PPIG: variants seen among roughly 807,000 people sequenced by gnomAD.
The protein encoded by PPIG is peptidyl-prolyl cis-trans isomerase G.
In PPIG, 26 loss-of-function variants were observed where a neutral mutation model predicts 87.9. The ratio of observed to expected loss-of-function variants is 0.30; its 90% confidence interval spans 0.22 to 0.41. PPIG has a LOEUF of 0.41. Among genes scored for constraint, PPIG ranks in the 10% least tolerant of loss-of-function variants. The pLI is 1.00. For synonymous variants in PPIG, 308 were observed against 276.5 expected, an observed-to-expected ratio of 1.11 and a Z score of -1.13; for missense variants, 722 against 879.4, an observed-to-expected ratio of 0.82 and a Z score of 2.26.
chr2:169,608,883 C>A, intron 7 of PPIG, 125 bp downstream of exon 7: 1 of 532,974 alleles, frequency 1.9e-6, no homozygotes, highest in South Asian at 1.9e-5. Context: ...GAGATCGAGA[C>A]CATCCTGGCT....
rs1237572223 is a variant in PPIG at position 169,637,031 on chromosome 2, T to C, written c.1773T>C (p.His591=). 1.2e-6 allele frequency: 2 copies of C among 1,613,584 alleles called. No homozygotes were observed. Among genetic ancestry groups the C allele is most frequent in the African/African-American group, 1.3e-5 (1 of 74,910 alleles). ...ATCGCAGCAGAAGCAAGGAGTACCATAGATACAGAGAACAGGAATACAGGA... is the reference window on the plus strand; with the variant it reads ...ATCGCAGCAGAAGCAAGGAGTACCACAGATACAGAGAACAGGAATACAGGA... ...DRDRSRSKEY[H]RYREQEYRRR... The change falls in exon 14 of 14, where the codon CAT becomes CAC. Residue 591 remains histidine (H), a synonymous_variant. Coordinates refer to ENST00000260970, the MANE Select transcript of PPIG (RefSeq NM_004792.3).
chr2:169,630,481 T>C (rs1435663270), intron 9 of PPIG, among the ~76,000 whole-genome samples: 1 of 152,208 alleles, frequency 6.6e-6, no homozygotes, highest in African/African-American at 2.4e-5. Context: ...ATTGTTATTC[T>C]GTGCTTTTAA....
chr2:169,631,765 G>A lies in PPIG; in HGVS notation c.762-1G>A, dbSNP rs971082693. On this transcript the variant is annotated splice_acceptor_variant, in intron 10 of 13. Transcript: ENST00000260970. LOFTEE classifies it high-confidence loss of function. ...TGTTTTGTGTGTTTCTGTCTGTTAA[G>A]TGCATCTAGTGAGAGTGAAGCTGAA... 3 of 1,613,672 alleles carry A rather than the reference G, an allele frequency of 1.9e-6. No homozygotes were observed. Among genetic ancestry groups the A allele is most frequent in the Non-Finnish European group, 2.5e-6 (3 of 1,179,840 alleles).
chr2:169,584,387 G>C lies in PPIG; in HGVS notation c.-173G>C, dbSNP rs1439459066. 2.1e-6 allele frequency: 1 copy of C among 471,048 alleles called. No homozygotes were observed. Among genetic ancestry groups the C allele is most frequent in the Non-Finnish European group, 4.4e-6 (1 of 227,056 alleles). 29.2% of individuals were successfully genotyped at this position (471,048 alleles called of 1,614,324 possible). A position where few individuals can be genotyped will look rare whatever the true frequency, so the allele number is the denominator to read the frequency against. Reference sequence around the variant, plus strand: ...TCTCCATGCCAGGACTGAGTTGTGGGGGAGGGAGGCGGTTAGCGGGCTTTA... The same window carrying C: ...TCTCCATGCCAGGACTGAGTTGTGGCGGAGGGAGGCGGTTAGCGGGCTTTA... On this transcript the variant is annotated 5_prime_UTR_variant, in exon 1 of 14. Coordinates refer to ENST00000260970, the MANE Select transcript of PPIG (RefSeq NM_004792.3).
chr2:169,616,433 A>C (rs1332697349), intron 9 of PPIG, among the ~76,000 whole-genome samples: 1 of 152,220 alleles, frequency 6.6e-6, no homozygotes, highest in African/African-American at 2.4e-5. Flanking sequence ...ACTGTCTTCT[A>C]CAATGGTTGA....
Position 169,637,434 on chromosome 2 carries a change from A to G in PPIG, c.2176A>G (p.Lys726Glu), listed in dbSNP as rs1400539498. ...AGTGGAAAAAGAAAACCAAAAATCAAAAGGTCAAGAAAATGACCATGTACA... is the reference window on the plus strand; with the variant it reads ...AGTGGAAAAAGAAAACCAAAAATCAGAAGGTCAAGAAAATGACCATGTACA... Reference protein sequence around the residue: ...SSVEKENQKSKGQENDHVHEK... With the variant: ...SSVEKENQKSEGQENDHVHEK... Residue 726 changes from lysine (K) to glutamate (E), a missense_variant, in exon 14 of 14, where the codon AAA becomes GAA. Lys to Glu is a moderately conservative substitution (Grantham distance 56, BLOSUM62 1). This residue lies in a region of PPIG where 476 missense variants were observed against 483.1 expected (regional missense o/e 0.99). Transcript: ENST00000260970. The G allele has an allele frequency of 3.1e-6, 5 of 1,612,338 alleles. No homozygotes were observed. The highest frequency in any genetic ancestry group is 1.7e-5 in the Admixed American group (1 of 59,746).
At chr2:169,633,487 T>G in intron 12 of PPIG, 1 of 538,506 alleles carries the variant, frequency 1.9e-6, no homozygotes, top group Non-Finnish European at 3.2e-6. Context: ...ATCGAGGTCT[T>G]TCTTGTCTCC....
At chr2:169,595,408 A>G (rs1684990040) in intron 1 of PPIG, among the ~76,000 whole-genome samples, 1 of 152,132 alleles carries the variant, frequency 6.6e-6, no homozygotes, top group African/African-American at 2.4e-5. Flanking sequence ...CCTTTTTGTT[A>G]CAAACAATCC....
Position 169,638,056 on chromosome 2 carries a change from TA to T in PPIG, c.*534del, listed in dbSNP as rs908627021. Reference sequence around the variant, plus strand: ...TTTTATAGTAATTTGTGCTTTAAAATAGATGTATTTATATTGCACTTCATAC... The same window carrying T: ...TTTTATAGTAATTTGTGCTTTAAAATGATGTATTTATATTGCACTTCATAC... On this transcript the variant is annotated 3_prime_UTR_variant, in exon 14 of 14. Transcript: ENST00000260970. The T allele has an allele frequency of 6.6e-6, 1 of 152,250 alleles. No homozygotes were observed. Among genetic ancestry groups the T allele is most frequent in the African/African-American group, 2.4e-5 (1 of 41,462 alleles). 9.4% of individuals were successfully genotyped at this position (152,250 alleles called of 1,614,324 possible).
In PPIG at chr2:169,637,326, T is replaced by C; in HGVS notation, c.2068T>C (p.Ser690Pro). The C allele has an allele frequency of 1.2e-6, 2 of 1,605,436 alleles. No homozygotes were observed. The highest frequency in any genetic ancestry group is 1.7e-6 in the Non-Finnish European group (2 of 1,178,158). ...GGCTGATAGAGATCAAAGTCCCTTC[T>C]CAAAAATAAAACAAAGCAGTCAGGA... ...KKADRDQSPF[S>P]KIKQSSQDNE... The change falls in exon 14 of 14, where the codon TCA becomes CCA. Residue 690 changes from serine to proline, a missense_variant. Coordinates refer to ENST00000260970, the MANE Select transcript of PPIG (RefSeq NM_004792.3).
chr2:169,606,249 C>T, intron 5 of PPIG, 103 bp downstream of exon 5: 2 of 829,726 alleles, frequency 2.4e-6, no homozygotes, highest in Non-Finnish European at 4.0e-6. Context: ...GTCACTCTCA[C>T]TCCATTTAAT....
chr2:169,586,611 T>G (rs1684712090), intron 1 of PPIG, among the ~76,000 whole-genome samples: 1 of 152,202 alleles, frequency 6.6e-6, no homozygotes, highest in African/African-American at 2.4e-5. Flanking sequence ...TTTTTGATAT[T>G]TTGCCTTAAA....
chr2:169,628,315 T>G (rs140651201), intron 9 of PPIG, among the ~76,000 whole-genome samples: 18 of 152,326 alleles, frequency 1.2e-4, no homozygotes, highest in Non-Finnish European at 2.4e-4. Flanking sequence ...AAGGATTATC[T>G]TAGTTCAGTG....
At chr2:169,614,841 TAAA>T (rs893187802) in intron 9 of PPIG, 117 bp downstream of exon 9, 228 of 1,206,568 alleles carry the variant, frequency 1.9e-4, no homozygotes, top group Non-Finnish European at 2.5e-4. Flanking sequence ...GTTTTTGTTT[TAAA>T]ATGTATTTCT....
At chr2:169,584,693 A>G (rs1684648785) in intron 1 of PPIG, 2 of 336,708 alleles carry the variant, frequency 5.9e-6, no homozygotes, top group Non-Finnish European at 5.7e-6. Flanking sequence ...GCTGTTGCAG[A>G]AGGAGAAGGC....
At chr2:169,611,827 C>A (rs995171524) in intron 7 of PPIG, among the ~76,000 whole-genome samples, 1 of 151,980 alleles carries the variant, frequency 6.6e-6, no homozygotes, top group Non-Finnish European at 1.5e-5. Context: ...TCGTAGGTAA[C>A]CCTTCTTCTG....
Position 169,604,071 on chromosome 2 carries a change from T to C in PPIG, c.30T>C (p.Cys10=). ...GAATAAAGGTTCAACGTCCTCGATG[T>C]TTTTTTGACATTGCCATTAACAATC... The part of the protein sequence containing the change: MGIKVQRPR[C]FFDIAINNQP... Residue 10 remains cysteine, a synonymous_variant, in exon 3 of 14, where the codon TGT becomes TGC. Transcript: ENST00000260970. The C allele has an allele frequency of 1.2e-6, 2 of 1,613,178 alleles. No individual in the cohort carries two copies. Among genetic ancestry groups the C allele is most frequent in the Non-Finnish European group, 8.5e-7 (1 of 1,179,238 alleles).
intron 1 of PPIG, among the ~76,000 whole-genome samples, chr2:169,591,645 T>G (rs1051851823): frequency 6.6e-6 from 1 of 152,038 alleles, no homozygotes; most frequent in Non-Finnish European, 1.5e-5. Context: ...GTACATGAGG[T>G]CAAGTAGACA....
At chr2:169,614,172 A>G (rs1685558366) in intron 7 of PPIG, among the ~76,000 whole-genome samples, 1 of 152,240 alleles carries the variant, frequency 6.6e-6, no homozygotes, top group African/African-American at 2.4e-5. Context: ...TGCAAGAAAC[A>G]TGAATGGTTA....
Sources: allele counts gnomAD v4.1 joint callset (sites outside exome capture counted in the v4.1 genomes callset), GRCh38; gene constraint gnomAD v4.1.1; regional missense constraint gnomAD v4.1.1; transcripts MANE v1.5; gene names NCBI Gene and HGNC (gene_info 2026-07-23, HGNC 2026-07-21).